Variants in ZNF507 observed in about 807,000 individuals in gnomAD.
ZNF507 encodes the protein zinc finger protein 507.
In ZNF507, 29 loss-of-function variants were observed where a neutral mutation model predicts 80.0. That is an observed-to-expected ratio of 0.36 (90% CI 0.27 to 0.49). The LOEUF is 0.49. ZNF507 is among the 20% of genes least tolerant of loss of function. The pLI is 0.98. For synonymous variants in ZNF507, 462 were observed against 422.5 expected, an observed-to-expected ratio of 1.09 and a Z score of -1.15; for missense variants, 1,081 against 1,152.2, an observed-to-expected ratio of 0.94 and a Z score of 0.90.
At position 32,353,533 on chromosome 19, in the gene ZNF507, G is replaced by A. The variant is rs764743256; in HGVS notation, c.703G>A (p.Gly235Ser). 6.2e-7 allele frequency: 1 copy of A among 1,614,178 alleles called. No individual in the cohort carries two copies. Among genetic ancestry groups the A allele is most frequent in the South Asian group, 1.1e-5 (1 of 91,080 alleles). Residue 235 changes from glycine (G) to serine (S), a missense_variant, in exon 3 of 7, where the codon GGT becomes AGT. This residue lies in a region of ZNF507 where 275 missense variants were observed against 303.9 expected (regional missense o/e 0.90). Coordinates refer to ENST00000355898, the MANE Select transcript of ZNF507 (RefSeq NM_001136156.2). ...CCAAACTGCATCTGTGGCAGAAATG[G>A]GTAGGAGGAAATGGTATGCATACGA... ...TVQTASVAEM[G>S]RRKWYAYEQY...
Position 32,354,286 on chromosome 19 carries a change from A to C in ZNF507, c.1456A>C (p.Asn486His). The C allele has an allele frequency of 6.2e-7, 1 of 1,614,188 alleles. No homozygotes were observed. ...TGCCCCACCAGGCCGGAGAAGGACAAATTCTGAGTCTCTTCGATTACACTC... is the reference window on the plus strand; with the variant it reads ...TGCCCCACCAGGCCGGAGAAGGACACATTCTGAGTCTCTTCGATTACACTC... ...ENAPPGRRRT[N>H]SESLRLHSLA... Residue 486 changes from asparagine to histidine, a missense_variant, in exon 3 of 7, where the codon AAT (asparagine) becomes CAT (histidine). Asn to His is a moderately conservative substitution (Grantham distance 68, BLOSUM62 1). Around this residue, in one of 6 missense-constraint regions of ZNF507, gnomAD observed 614 missense variants for 583.9 expected, o/e 1.05. Coordinates refer to ENST00000355898, the MANE Select transcript of ZNF507 (RefSeq NM_001136156.2).
At chr19:32,373,610 A>G (rs1264380821) in intron 5 of ZNF507, among the ~76,000 whole-genome samples, 1 of 152,210 alleles carries the variant, frequency 6.6e-6, no homozygotes, top group East Asian at 1.9e-4. Context: ...TTTGGCCGCC[A>G]TAACTTCCTT....
At chr19:32,376,489 A>G (rs888142878) in intron 5 of ZNF507, among the ~76,000 whole-genome samples, 2 of 152,198 alleles carry the variant, frequency 1.3e-5, no homozygotes, top group African/African-American at 4.8e-5. Flanking sequence ...GAAGTGCTTA[A>G]GAAACAAAAC....
chr19:32,379,013 T>G (rs1323586830), intron 5 of ZNF507, among the ~76,000 whole-genome samples: 2 of 152,276 alleles, frequency 1.3e-5, no homozygotes, highest in East Asian at 3.9e-4. Flanking sequence ...GGAGTGGGCA[T>G]CTCTTGGCTG....
intron 5 of ZNF507, among the ~76,000 whole-genome samples, chr19:32,376,764 T>A (rs1031229575): frequency 6.6e-6 from 1 of 152,168 alleles, no homozygotes; most frequent in East Asian, 1.9e-4. Context: ...TGGCCCCAGA[T>A]GCCAGGCTGC....
intron 5 of ZNF507, among the ~76,000 whole-genome samples, chr19:32,376,549 C>T (rs1013614312): frequency 1.3e-5 from 2 of 152,152 alleles, no homozygotes; most frequent in African/African-American, 2.4e-5. Context: ...GCCCAGGGGG[C>T]AAGGCTGGAG....
intron 5 of ZNF507, among the ~76,000 whole-genome samples, chr19:32,371,291 A>G (rs1394238846): frequency 6.6e-6 from 1 of 151,982 alleles, no homozygotes; most frequent in African/African-American, 2.4e-5. Context: ...GCTGACCAAC[A>G]TGGAGAAATC....
chr19:32,362,175 A>G (rs1402807724), intron 5 of ZNF507, among the ~76,000 whole-genome samples: 1 of 152,206 alleles, frequency 6.6e-6, no homozygotes, highest in Non-Finnish European at 1.5e-5. Context: ...TGGTTACACC[A>G]TGTCCAATCA....
chr19:32,376,458 G>A (rs923582664), intron 5 of ZNF507, among the ~76,000 whole-genome samples: 20 of 152,294 alleles, frequency 1.3e-4, no homozygotes, highest in African/African-American at 3.8e-4. Flanking sequence ...ATCCTGGAGC[G>A]TCTCAGGTCC....
At chr19:32,382,374 A>C in intron 5 of ZNF507, 93 bp from the exon 6 acceptor site, 2 of 1,474,914 alleles carry the variant, frequency 1.4e-6, no homozygotes, top group Admixed American at 1.9e-5. Context: ...AAGGGTTCGG[A>C]GGAAGGGCTA....
At chr19:32,378,681 C>T (rs2145343022) in intron 5 of ZNF507, among the ~76,000 whole-genome samples, 1 of 151,166 alleles carries the variant, frequency 6.6e-6, no homozygotes, top group Admixed American at 6.6e-5. Context: ...TAAACAATAG[C>T]TCATCACTCT....
In ZNF507 at chr19:32,354,534, A is replaced by G. The variant is rs760299034; in HGVS notation, c.1704A>G (p.Pro568=). ...GCAACTCCACCTTGGTAGCACTCCCAGAGGGTAGGCAGGAATTGTCAGATG... is the reference window on the plus strand; with the variant it reads ...GCAACTCCACCTTGGTAGCACTCCCGGAGGGTAGGCAGGAATTGTCAGATG... ...NQSNSTLVAL[P]EGRQELSDGQ... Residue 568 remains proline (P), a synonymous_variant, in exon 3 of 7, where the codon CCA becomes CCG. Transcript: ENST00000355898. 12 of 1,614,128 alleles carry G rather than the reference A, an allele frequency of 7.4e-6. No individual in the cohort carries two copies. In the South Asian group the frequency reaches 1.2e-4, roughly 16 times the overall value.
At chr19:32,378,694 T>A (rs547134065) in intron 5 of ZNF507, among the ~76,000 whole-genome samples, 1 of 152,216 alleles carries the variant, frequency 6.6e-6, no homozygotes, top group South Asian at 2.1e-4. Context: ...ATCACTCTTA[T>A]TTTTAAAAGG....
chr19:32,350,145 G>A (rs1967143457), intron 2 of ZNF507, among the ~76,000 whole-genome samples: 1 of 150,840 alleles, frequency 6.6e-6, no homozygotes. Context: ...TGAAAGAGTT[G>A]GCCTTACAGT....
At chr19:32,367,868 A>C (rs1967419677) in intron 5 of ZNF507, among the ~76,000 whole-genome samples, 1 of 152,238 alleles carries the variant, frequency 6.6e-6, no homozygotes. Flanking sequence ...GTATATTAGA[A>C]ATGATGATAA....
intron 2 of ZNF507, among the ~76,000 whole-genome samples, chr19:32,351,286 T>C (rs1018557007): frequency 1.3e-5 from 2 of 151,640 alleles, no homozygotes; most frequent in Non-Finnish European, 2.9e-5. Flanking sequence ...AAGCCAAGAG[T>C]AAAGTGTTTG....
Position 32,352,507 on chromosome 19 carries a change from G to A in ZNF507, c.-2-322G>A, listed in dbSNP as rs547880657. Among the ~76,000 whole-genome samples the A allele has an allele frequency of 8.6e-5, 13 of 152,034 alleles. No individual in the cohort carries two copies. In the South Asian group the frequency reaches 1.7e-3, roughly 19 times the overall value. ...TTTTTTCTTGGCATTGTGCAAAAGGGAGGGAGTACTTTTGGTCCTGCTGGA... is the reference window on the plus strand; with the variant it reads ...TTTTTTCTTGGCATTGTGCAAAAGGAAGGGAGTACTTTTGGTCCTGCTGGA... On this transcript the variant is annotated intron_variant, in intron 2 of 6. Coordinates refer to ENST00000355898, the MANE Select transcript of ZNF507 (RefSeq NM_001136156.2).
At chr19:32,362,732 A>C (rs1188444144) in intron 5 of ZNF507, among the ~76,000 whole-genome samples, 1 of 152,200 alleles carries the variant, frequency 6.6e-6, no homozygotes. Flanking sequence ...GGGTCTTCCT[A>C]CCAACGGGCA....
rs763510835 is a variant in ZNF507, at chr19:32,360,507, A to G, written c.2249A>G (p.Asn750Ser). 2.6e-5 allele frequency: 41 copies of G among 1,550,486 alleles called. No homozygotes were observed. The highest frequency in any genetic ancestry group is 3.4e-5 in the Non-Finnish European group (39 of 1,147,948). ...AACTCTGAAATACCTTGTCTAGGGA[A>G]TAAGTCTTCAGTCCAGAAACAATAT... ...TADGKCVQEG[N>S]KSSVQKQYRC... is the part of the protein sequence containing the mutation. The change falls in exon 5 of 7, where the codon AAT becomes AGT. Residue 750 changes from asparagine to serine, a missense_variant. Physicochemically the swap from Asn to Ser is conservative, Grantham distance 46. Coordinates refer to ENST00000355898, the MANE Select transcript of ZNF507 (RefSeq NM_001136156.2).
Sources: allele counts gnomAD v4.1 joint callset (sites outside exome capture counted in the v4.1 genomes callset), GRCh38; gene constraint gnomAD v4.1.1; regional missense constraint gnomAD v4.1.1; transcripts MANE v1.5; gene names NCBI Gene and HGNC (gene_info 2026-07-23, HGNC 2026-07-21).